LRRC75A: variants seen among roughly 807,000 people sequenced by gnomAD.
The protein encoded by LRRC75A is leucine-rich repeat-containing protein 75A.
In LRRC75A, 12 loss-of-function variants were observed where a neutral mutation model predicts 26.0. The ratio of observed to expected loss-of-function variants is 0.46; its 90% CI spans 0.30 to 0.75. LRRC75A has a LOEUF of 0.75. Ranked by LOEUF, LRRC75A falls within the 30% of genes least tolerant of loss-of-function variation. The pLI is 0.08. For missense variants in LRRC75A, 410 were observed against 486.6 expected, an observed-to-expected ratio of 0.84 and a Z score of 1.48; for synonymous variants, 223 against 219.3, an observed-to-expected ratio of 1.02 and a Z score of -0.15.
chr17:16,487,504 T>A (rs992734603), intron 1 of LRRC75A, among the ~76,000 whole-genome samples: 4 of 152,154 alleles, frequency 2.6e-5, no homozygotes, highest in African/African-American at 9.7e-5. Context: ...AGAGGCTTGA[T>A]CTCGGCTCAC....
intron 1 of LRRC75A, among the ~76,000 whole-genome samples, chr17:16,481,446 C>G (rs918709573): frequency 2.0e-5 from 3 of 152,184 alleles, no homozygotes; most frequent in African/African-American, 4.8e-5. Context: ...AGTAACATCC[C>G]TACGGGAAGA....
chr17:16,461,236 C>T (rs1016198819), intron 2 of LRRC75A: 2 of 152,260 alleles, frequency 1.3e-5, no homozygotes, highest in Admixed American at 6.5e-5. Context: ...GTATCCAGGC[C>T]GAGCGACAGG....
intron 1 of LRRC75A, among the ~76,000 whole-genome samples, chr17:16,480,480 T>C (rs2093831029): frequency 6.6e-6 from 1 of 151,888 alleles, no homozygotes; most frequent in African/African-American, 2.4e-5. Flanking sequence ...AATACAAAAA[T>C]TAGCCGGGCA....
At chr17:16,448,593 C>G (rs977800705) in intron 2 of LRRC75A, among the ~76,000 whole-genome samples, 3 of 152,194 alleles carry the variant, frequency 2.0e-5, no homozygotes, top group African/African-American at 7.2e-5. Flanking sequence ...CGCTGACAAT[C>G]ACAAGTTGAT....
intron 2 of LRRC75A, among the ~76,000 whole-genome samples, chr17:16,456,758 G>A (rs557714226): frequency 2.6e-5 from 4 of 152,310 alleles, no homozygotes; most frequent in South Asian, 4.1e-4. Flanking sequence ...AAGACACCTC[G>A]ATATCTGTAG....
In LRRC75A at chr17:16,442,168, AGCTCAAAGCAT is replaced by A. The variant is rs2093534249; in HGVS notation, c.*1409_*1419del. 1.3e-5 allele frequency: 2 copies of A among 152,402 alleles called. No individual in the cohort carries two copies. The highest frequency in any genetic ancestry group is 2.1e-4 in the South Asian group (1 of 4,828). The allele number at this position is 152,402 out of a possible 1,614,324, so 9.4% of individuals were successfully genotyped here. A position where few individuals can be genotyped will look rare whatever the true frequency, so the allele number is the denominator to read the frequency against. ...TCTACAGCTTTAGACTGAAGGCAAA[AGCTCAAAGCAT>A]TTAAGGCCTCCTCAATTTCGGCCCC... On this transcript the variant is annotated 3_prime_UTR_variant, in exon 4 of 4. Coordinates refer to ENST00000470794, the MANE Select transcript of LRRC75A (RefSeq NM_001113567.3).
chr17:16,489,000 C>T (rs1226828847), intron 1 of LRRC75A, among the ~76,000 whole-genome samples: 1 of 152,120 alleles, frequency 6.6e-6, no homozygotes. Context: ...TGGACTGGAG[C>T]AGAGATTCTG....
intron 2 of LRRC75A, among the ~76,000 whole-genome samples, chr17:16,448,945 T>A (rs1361269863): frequency 6.6e-6 from 1 of 152,206 alleles, no homozygotes; most frequent in African/African-American, 2.4e-5. Context: ...AGCTGAAAGA[T>A]GCTACAGACT....
intron 2 of LRRC75A, among the ~76,000 whole-genome samples, chr17:16,450,462 GCTGT>G (rs1171472686): frequency 2.4e-5 from 3 of 126,886 alleles, no homozygotes; most frequent in Non-Finnish European, 5.2e-5. Context: ...CTGGTGCCTG[GCTGT>G]CTGATGAATA....
At chr17:16,459,474 G>A (rs2093710967) in intron 2 of LRRC75A, among the ~76,000 whole-genome samples, 1 of 152,188 alleles carries the variant, frequency 6.6e-6, no homozygotes, top group Non-Finnish European at 1.5e-5. Context: ...GGAGGTGTCA[G>A]GAACAGAGGA....
At position 16,453,336 on chromosome 17, in the gene LRRC75A, A is replaced by ACACACG. The variant is rs111640316; in HGVS notation, c.376-5382_376-5377dup. Among the ~76,000 whole-genome samples, 932 of 137,400 alleles carry ACACACG rather than the reference A, an allele frequency of 6.8e-3. 7 individuals carry two copies. The highest frequency in any genetic ancestry group is 0.025 in the African/African-American group (882 of 35,280). The allele number at this position is 137,400 out of a possible 152,430, so 90.1% of individuals were successfully genotyped here. ...CGCACACACGCACACACGCACACGCACACACGCACACGCACACACACACAC... is the reference window on the plus strand; with the variant it reads ...CGCACACACGCACACACGCACACGCACACACGCACACGCACACGCACACACACACAC... On this transcript the variant is annotated intron_variant, in intron 2 of 3. Coordinates refer to ENST00000470794, the MANE Select transcript of LRRC75A (RefSeq NM_001113567.3).
At chr17:16,452,185 CAAAAAAAAAAA>C (rs71152808) in intron 2 of LRRC75A, among the ~76,000 whole-genome samples, 3 of 80,258 alleles carry the variant, frequency 3.7e-5, no homozygotes, top group Non-Finnish European at 4.5e-5. Context: ...GACTTGCTCT[CAAAAAAAAAAA>C]AAAAAAAAAA....
intron 1 of LRRC75A, among the ~76,000 whole-genome samples, chr17:16,475,850 C>T (rs8064598): frequency 0.05 from 7,528 of 151,940 alleles, 616 homozygotes; most frequent in African/African-American, 0.17. Context: ...AGTTTGAGAC[C>T]GGCCTGGTCA....
rs555565765 is a variant in LRRC75A at position 16,458,111 on chromosome 17, G to A, written c.375+4147C>T. Among the ~76,000 whole-genome samples the A allele has an allele frequency of 2.6e-5, 4 of 152,148 alleles. No individual in the cohort carries two copies. In the East Asian group the frequency reaches 7.7e-4, roughly 29 times the overall value. ...CCTGAGGTCAGGAGTTTGAGACCAGGCTGGCCAACATGGTGAAACCCCGTC... is the reference window on the plus strand; with the variant it reads ...CCTGAGGTCAGGAGTTTGAGACCAGACTGGCCAACATGGTGAAACCCCGTC... On this transcript the variant is annotated intron_variant, in intron 2 of 3. Transcript: ENST00000470794.
At position 16,490,978 on chromosome 17, in the gene LRRC75A, T is replaced by C. The variant is rs544076220; in HGVS notation, c.246+767A>G. On this transcript the variant is annotated intron_variant, in intron 1 of 3. Transcript: ENST00000470794. ...AAACAAGCCACAGAGAGGTGAGTGATAGCATTAGCCTCAGGGCAGCCCCAA... is the reference window on the plus strand; with the variant it reads ...AAACAAGCCACAGAGAGGTGAGTGACAGCATTAGCCTCAGGGCAGCCCCAA... 2.0e-5 allele frequency among the ~76,000 whole-genome samples: 3 copies of C among 152,374 alleles called. No individual in the cohort carries two copies. In the South Asian group the frequency reaches 6.2e-4, roughly 32 times the overall value.
At position 16,455,089 on chromosome 17, in the gene LRRC75A, C is replaced by T. The variant is rs140863638; in HGVS notation, c.376-7129G>A. Among the ~76,000 whole-genome samples the T allele has an allele frequency of 2.6e-3, 391 of 150,998 alleles. 1 individual carries two copies. Among genetic ancestry groups the T allele is most frequent in the South Asian group, 0.011 (51 of 4,770 alleles). On this transcript the variant is annotated intron_variant, in intron 2 of 3. Coordinates refer to ENST00000470794, the MANE Select transcript of LRRC75A (RefSeq NM_001113567.3). ...CTGGGATTACAGGCGCGTGCCACCA[C>T]GCCCAGCTAATTTTTGTATTTTTAG...
chr17:16,468,770 T>C (rs2093788576), intron 1 of LRRC75A, among the ~76,000 whole-genome samples: 1 of 152,204 alleles, frequency 6.6e-6, no homozygotes, highest in South Asian at 2.1e-4. Context: ...ATGCCTGTAA[T>C]CCCGGCACTT....
At chr17:16,486,501 G>C (rs751567828) in intron 1 of LRRC75A, among the ~76,000 whole-genome samples, 2 of 152,178 alleles carry the variant, frequency 1.3e-5, no homozygotes, top group Non-Finnish European at 2.9e-5. Context: ...GAAAAGCCTC[G>C]ATCCAGCCCA....
chr17:16,484,160 A>AC lies in LRRC75A; in HGVS notation c.246+7584dup, dbSNP rs572800939. 8.5e-5 allele frequency among the ~76,000 whole-genome samples: 13 copies of AC among 152,154 alleles called. No individual in the cohort carries two copies. In the South Asian group the frequency reaches 2.5e-3, roughly 29 times the overall value. On this transcript the variant is annotated intron_variant, in intron 1 of 3. Transcript: ENST00000470794. ...AGACCATCCTGGCCAACATAGTGAA[A>AC]CCCCGTCTCTACTAAAAATACAAAA...
Sources: gnomAD v4.1 joint callset for allele counts (sites outside exome capture counted in the v4.1 genomes callset) on GRCh38, gnomAD v4.1.1 for gene constraint, MANE v1.5 for transcripts, NCBI Gene and HGNC (gene_info 2026-07-23, HGNC 2026-07-21) for gene names.